C3orf38: variants seen among roughly 807,000 people sequenced by gnomAD.
C3orf38 encodes the protein uncharacterized protein C3orf38.
C3orf38 carries 18 observed loss-of-function variants against 28.3 expected under a neutral mutation model. The observed-to-expected ratio is 0.64, with a 90% confidence interval of 0.44 to 0.94. C3orf38 has a LOEUF of 0.94. C3orf38 is among the 40% of genes least tolerant of loss of function. C3orf38 has a pLI of 0.00. For missense variants in C3orf38, 364 were observed against 396.4 expected, an observed-to-expected ratio of 0.92 and a Z score of 0.69; for synonymous variants, 145 against 138.1, an observed-to-expected ratio of 1.05 and a Z score of -0.35.
Position 88,157,789 on chromosome 3 carries a change from A to G in C3orf38, c.*1154A>G, listed in dbSNP as rs1425449299. 11 of 152,180 alleles carry G rather than the reference A, an allele frequency of 7.2e-5. No homozygotes were observed. The highest frequency in any genetic ancestry group is 1.6e-4 in the Non-Finnish European group (11 of 68,012). 9.4% of individuals were successfully genotyped at this position (152,180 alleles called of 1,614,324 possible). A position where few individuals can be genotyped will look rare whatever the true frequency, so the allele number is the denominator to read the frequency against. ...ATTGGGAAATGTGATGACGTATTGTACATGTTACTTTTTCCTTTGCTATAA... is the reference window on the plus strand; with the variant it reads ...ATTGGGAAATGTGATGACGTATTGTGCATGTTACTTTTTCCTTTGCTATAA... On this transcript the variant is annotated 3_prime_UTR_variant, in exon 3 of 3. Coordinates refer to ENST00000318887, the MANE Select transcript of C3orf38 (RefSeq NM_173824.4).
Position 88,156,296 on chromosome 3 carries a change from A to T in C3orf38, c.651A>T (p.Leu217=). The change falls in exon 3 of 3, where the codon CTA becomes CTT. Residue 217 remains leucine, a synonymous_variant. Transcript: ENST00000318887. ...AATTTCTTTTTCTCAGCCCCAACCT[A>T]GATTCACATGGACTGAAATGTGCAT... is the stretch of plus-strand genomic sequence containing the variant. The part of the protein sequence containing the change: ...KEEFLFLSPN[L]DSHGLKCASS... 2 of 1,614,176 alleles carry T rather than the reference A, an allele frequency of 1.2e-6. No homozygotes were observed. The highest frequency in any genetic ancestry group is 1.7e-6 in the Non-Finnish European group (2 of 1,180,040).
chr3:88,154,465 A>G (rs1319715154), intron 2 of C3orf38, among the ~76,000 whole-genome samples: 3 of 151,892 alleles, frequency 2.0e-5, no homozygotes, highest in Non-Finnish European at 2.9e-5. Flanking sequence ...TCTCCACTGT[A>G]CATTTTAGAT....
chr3:88,150,911 C>T (rs1707402113), intron 1 of C3orf38: 1 of 152,214 alleles, frequency 6.6e-6, no homozygotes, highest in Non-Finnish European at 1.5e-5. Flanking sequence ...GGTTTTTCTG[C>T]TTAAGTCGGA....
intron 1 of C3orf38, 105 bp from the exon 2 acceptor site, chr3:88,153,125 G>A (rs1707437780): frequency 9.5e-7 from 1 of 1,054,602 alleles, no homozygotes; most frequent in African/African-American, 1.6e-5. Flanking sequence ...CAGCAATAAT[G>A]CTGTGACGAG....
At chr3:88,153,180 AT>A in intron 1 of C3orf38, 49 bp from the exon 2 acceptor site, 2 of 1,568,276 alleles carry the variant, frequency 1.3e-6, no homozygotes. Context: ...CCTGGCACAA[AT>A]TTGTAAGTGC....
intron 2 of C3orf38, 89 bp downstream of exon 2, chr3:88,153,560 A>G: frequency 2.8e-6 from 4 of 1,435,304 alleles, no homozygotes; most frequent in Non-Finnish European, 3.8e-6. Flanking sequence ...ATGGTTAATA[A>G]TGTTTGTGGG....
chr3:88,156,202 A>G lies in C3orf38; in HGVS notation c.557A>G (p.Glu186Gly), dbSNP rs549550834. The G allele has an allele frequency of 1.2e-6, 2 of 1,614,008 alleles. No individual in the cohort carries two copies. Among genetic ancestry groups the G allele is most frequent in the South Asian group, 1.1e-5 (1 of 91,086 alleles). The change falls in exon 3 of 3, where the codon GAA becomes GGA. Residue 186 changes from glutamate to glycine, a missense_variant. Coordinates refer to ENST00000318887, the MANE Select transcript of C3orf38 (RefSeq NM_173824.4). ...VKLRFYYNTS[E>G]QNVMDYHGAE... is the part of the protein sequence containing the mutation. The stretch of plus-strand genomic sequence containing the variant: ...CTTAGGTTTTATTACAACACATCAG[A>G]ACAAAATGTTATGGACTACCATGGA...
In C3orf38 at chr3:88,153,545, G is replaced by A. The variant is rs553390375; in HGVS notation, c.375+74G>A. 18 of 1,503,636 alleles carry A rather than the reference G, an allele frequency of 1.2e-5. No homozygotes were observed. In the South Asian group the frequency reaches 2.2e-4, roughly 18 times the overall value. The allele number at this position is 1,503,636 out of a possible 1,614,324, so 93.1% of individuals were successfully genotyped here. On this transcript the variant is annotated intron_variant, in intron 2 of 2. Transcript: ENST00000318887. Reference sequence around the variant, plus strand: ...CTTTGTTGATAATCCTAGATTGTGGGGAACATGGTTAATAATGTTTGTGGG... The same window carrying A: ...CTTTGTTGATAATCCTAGATTGTGGAGAACATGGTTAATAATGTTTGTGGG...
intron 2 of C3orf38, among the ~76,000 whole-genome samples, chr3:88,155,674 G>A (rs922515943): frequency 2.2e-4 from 34 of 151,932 alleles, no homozygotes; most frequent in African/African-American, 8.0e-4. Flanking sequence ...GGCCAGGCTG[G>A]TCTCAAACTC....
intron 1 of C3orf38, chr3:88,150,749 T>C (rs1707398862): frequency 6.6e-6 from 1 of 152,230 alleles, no homozygotes; most frequent in South Asian, 2.1e-4. Flanking sequence ...TTGTGACTAG[T>C]CCATATAAAA....
intron 1 of C3orf38, 96 bp downstream of exon 1, chr3:88,150,281 C>G: frequency 7.0e-7 from 1 of 1,429,472 alleles, no homozygotes; most frequent in Non-Finnish European, 9.5e-7. Context: ...TGGCCGCAGC[C>G]GCAGATCCAC....
In C3orf38 at chr3:88,156,246, C is replaced by T; in HGVS notation, c.601C>T (p.Arg201Cys). The T allele has an allele frequency of 2.5e-6, 4 of 1,614,144 alleles. No homozygotes were observed. The highest frequency in any genetic ancestry group is 2.5e-6 in the Non-Finnish European group (3 of 1,180,040). The change falls in exon 3 of 3, where the codon CGT becomes TGT. Residue 201 changes from arginine (R) to cysteine (C), a missense_variant. Transcript: ENST00000318887. ...CCATGGAGCAGAAATCGTGAGCCTT[C>T]GTTTGCTGTCACTAGTAAAAGAAGA... ...DYHGAEIVSL[R>C]LLSLVKEEFL...
chr3:88,153,374 A>G lies in C3orf38; in HGVS notation c.278A>G (p.Gln93Arg), dbSNP rs1201024423. 6.2e-7 allele frequency: 1 copy of G among 1,614,146 alleles called. No homozygotes were observed. The highest frequency in any genetic ancestry group is 1.7e-5 in the Admixed American group (1 of 60,026). Residue 93 changes from glutamine (Q) to arginine (R), a missense_variant, in exon 2 of 3, where the codon CAG (glutamine) becomes CGG (arginine). Transcript: ENST00000318887. ...GCTACTGAAAAACACAATCTTATTC[A>G]GCATGCAAAAGATTACTGGCAAAAG... ...PPATEKHNLI[Q>R]HAKDYWQKQP...
In C3orf38 at chr3:88,156,500, A is replaced by T; in HGVS notation, c.855A>T (p.Thr285=). The change falls in exon 3 of 3, where the codon ACA becomes ACT. Residue 285 remains threonine (T), a synonymous_variant. Coordinates refer to ENST00000318887, the MANE Select transcript of C3orf38 (RefSeq NM_173824.4). ...IMGESSLAPG[T]LPKPSVKFEQ... is the part of the protein sequence containing the mutation. ...GAGAGAGTTCCCTTGCTCCTGGAAC[A>T]TTACCGAAACCATCTGTTAAATTTG... 1 of 1,614,222 alleles carries T rather than the reference A, an allele frequency of 6.2e-7. No homozygotes were observed. Among genetic ancestry groups the T allele is most frequent in the Non-Finnish European group, 8.5e-7 (1 of 1,180,036 alleles).
chr3:88,150,236 C>A, intron 1 of C3orf38, 51 bp downstream of exon 1: 2 of 1,601,224 alleles, frequency 1.2e-6, no homozygotes, highest in Non-Finnish European at 1.7e-6. Context: ...CCCGGCCTCA[C>A]GCCTACCCCG....
chr3:88,154,375 CT>C (rs35471442), intron 2 of C3orf38, among the ~76,000 whole-genome samples: 42 of 145,922 alleles, frequency 2.9e-4, no homozygotes, highest in Non-Finnish European at 4.7e-4. Context: ...ATTTTTTATA[CT>C]TTTTTTTTTT....
Position 88,149,964 on chromosome 3 carries a change from A to T in C3orf38, c.-89A>T. The stretch of plus-strand genomic sequence containing the variant: ...GCCCTTCGACGGAGAACAACAAGAA[A>T]GGCACTTCCGGTGTCTGTTGCCAGG... On this transcript the variant is annotated 5_prime_UTR_variant, in exon 1 of 3. It adds an upstream start codon to the 5' untranslated region. Transcript: ENST00000318887. 5 of 1,535,772 alleles carry T rather than the reference A, an allele frequency of 3.3e-6. No homozygotes were observed. The highest frequency in any genetic ancestry group is 1.4e-5 in the African/African-American group (1 of 73,686).
rs1242905043 is a variant in C3orf38, at chr3:88,153,360, A to G, written c.264A>G (p.Lys88=). Residue 88 remains lysine, a synonymous_variant, in exon 2 of 3, where the codon AAA becomes AAG. Coordinates refer to ENST00000318887, the MANE Select transcript of C3orf38 (RefSeq NM_173824.4). ...QGIVIPPATE[K]HNLIQHAKDY... is the part of the protein sequence containing the mutation. ...TTGTTATACCTCCAGCTACTGAAAA[A>G]CACAATCTTATTCAGCATGCAAAAG... is the stretch of plus-strand genomic sequence containing the variant. 1.2e-6 allele frequency: 2 copies of G among 1,614,072 alleles called. No individual in the cohort carries two copies. Among genetic ancestry groups the G allele is most frequent in the Non-Finnish European group, 1.7e-6 (2 of 1,180,012 alleles).
rs1411949338 is a variant in C3orf38, at chr3:88,156,351, G to A, written c.706G>A (p.Val236Ile). ...SSPHGLVMVG[V>I]AGTVHRGNTC... ...TCCTCATGGGCTGGTTATGGTTGGA[G>A]TTGCTGGGACTGTCCATCGAGGAAA... The change falls in exon 3 of 3, where the codon GTT (valine) becomes ATT (isoleucine). Residue 236 changes from valine (V) to isoleucine (I), a missense_variant. Val to Ile is a conservative substitution (Grantham distance 29, BLOSUM62 3). Transcript: ENST00000318887. 4 of 1,614,104 alleles carry A rather than the reference G, an allele frequency of 2.5e-6. No individual in the cohort carries two copies. Among genetic ancestry groups the A allele is most frequent in the Admixed American group, 3.3e-5 (2 of 60,004 alleles).
Sources: allele counts gnomAD v4.1 joint callset (sites outside exome capture counted in the v4.1 genomes callset), GRCh38; gene constraint gnomAD v4.1.1; transcripts MANE v1.5; gene names NCBI Gene and HGNC (gene_info 2026-07-23, HGNC 2026-07-21).